Variants in PIEZO2 observed in about 807,000 individuals in gnomAD.
PIEZO2 encodes piezo type mechanosensitive ion channel component 2.
A neutral mutation model predicts 337.3 loss-of-function variants in PIEZO2; 172 were observed. The ratio of observed to expected loss-of-function variants is 0.51; its 90% CI spans 0.45 to 0.58. PIEZO2 has a LOEUF of 0.58. PIEZO2 is among the 20% of genes least tolerant of loss of function. The probability of loss-of-function intolerance (pLI) is 0.00; values close to 1 mark genes in which losing one functional copy is unlikely to be tolerated. For missense variants in PIEZO2, 3,028 were observed against 3,391.3 expected (o/e 0.89, Z 2.66); for synonymous variants, 1,251 against 1,228.5 (o/e 1.02, Z -0.38).
rs1002367709 is a variant in PIEZO2 at position 10,784,248 on chromosome 18, G to A, written c.2492+536C>T. On this transcript the variant is annotated intron_variant, in intron 17 of 55. Coordinates refer to ENST00000674853, the MANE Select transcript of PIEZO2 (RefSeq NM_001378183.1). The surrounding 1 kb of genome is among the most constrained non-coding windows in gnomAD (Gnocchi z 4.5). ...ATTTATTGATGAGGATAAAACAGCC[G>A]TAAGCTGCTAAAAGAAGATATTGTC... Among the ~76,000 whole-genome samples, 5 of 152,202 alleles carry A rather than the reference G, an allele frequency of 3.3e-5. No homozygotes were observed. The highest frequency in any genetic ancestry group is 1.9e-4 in the East Asian group (1 of 5,200).
At chr18:11,142,682 G>A (rs781202848) in intron 1 of PIEZO2, among the ~76,000 whole-genome samples, 3 of 151,108 alleles carry the variant, frequency 2.0e-5, no homozygotes, top group Non-Finnish European at 4.4e-5. Flanking sequence ...TCCGGAGGCT[G>A]AGGCAGAAGA....
At position 10,726,936 on chromosome 18, in the gene PIEZO2, C is replaced by A; in HGVS notation, c.5029+4471G>T. 2 of 1,528,702 alleles carry A rather than the reference C, an allele frequency of 1.3e-6. No individual in the cohort carries two copies. Among genetic ancestry groups the A allele is most frequent in the Non-Finnish European group, 1.8e-6 (2 of 1,126,030 alleles). The allele number at this position is 1,528,702 out of a possible 1,614,324, so 94.7% of individuals were successfully genotyped here. A position where few individuals can be genotyped will look rare whatever the true frequency, so the allele number is the denominator to read the frequency against. ...CGGAGCTGGGTCGCCTGCTGCCCGA[C>A]TGATGTAGGTTGAGGGCTGCAGACA... On this transcript the variant is annotated intron_variant, in intron 36 of 55. Coordinates refer to ENST00000674853, the MANE Select transcript of PIEZO2 (RefSeq NM_001378183.1). This position sits in a 1 kb window ranked among gnomAD's most constrained non-coding sequence, Gnocchi z 5.9.
At position 11,127,300 on chromosome 18, in the gene PIEZO2, G is replaced by A. The variant is rs2040209440; in HGVS notation, c.64+21225C>T. On this transcript the variant is annotated intron_variant, in intron 1 of 55. Transcript: ENST00000674853. This position sits in a 1 kb window ranked among gnomAD's most constrained non-coding sequence, Gnocchi z 4.5. ...CAAAGAACTTAAAGCAAAAATAGTT[G>A]CATCTGAATGTGATGGTTAATACTG... Among the ~76,000 whole-genome samples, 1 of 152,182 alleles carries A rather than the reference G, an allele frequency of 6.6e-6. No homozygotes were observed. The highest frequency in any genetic ancestry group is 6.5e-5 in the Admixed American group (1 of 15,268).
intron 26 of PIEZO2, among the ~76,000 whole-genome samples, chr18:10,758,895 C>T (rs917534016): frequency 1.3e-5 from 2 of 152,222 alleles, no homozygotes; most frequent in African/African-American, 4.8e-5. Flanking sequence ...GAAGCCTGAA[C>T]ACAAGCTGCT....
At chr18:10,720,295 T>TTC (rs1185094809) in intron 36 of PIEZO2, among the ~76,000 whole-genome samples, 2 of 131,410 alleles carry the variant, frequency 1.5e-5, no homozygotes, top group South Asian at 2.4e-4. Flanking sequence ...CATATGTATA[T>TTC]TCTCTCTCTC....
intron 3 of PIEZO2, among the ~76,000 whole-genome samples, chr18:10,920,472 T>G (rs2031318774): frequency 6.6e-6 from 1 of 152,196 alleles, no homozygotes; most frequent in Non-Finnish European, 1.5e-5. Flanking sequence ...ATATGCTATT[T>G]AAATGTAGTG....
At position 10,894,211 on chromosome 18, in the gene PIEZO2, G is replaced by A. The variant is rs1041752864; in HGVS notation, c.329+16975C>T. ...CTCACACCTGTAATCCCAGCACTCTGGAAGGCCGATGGGGGCGGATCACCT... is the reference window on the plus strand; with the variant it reads ...CTCACACCTGTAATCCCAGCACTCTAGAAGGCCGATGGGGGCGGATCACCT... On this transcript the variant is annotated intron_variant, in intron 4 of 55. Transcript: ENST00000674853. This position sits in a 1 kb window ranked among gnomAD's most constrained non-coding sequence, Gnocchi z 4.1. Among the ~76,000 whole-genome samples the A allele has an allele frequency of 1.3e-5, 2 of 152,132 alleles. No individual in the cohort carries two copies. Among genetic ancestry groups the A allele is most frequent in the African/African-American group, 4.8e-5 (2 of 41,426 alleles).
In PIEZO2 at chr18:10,715,684, A is replaced by C. The variant is rs1325114050; in HGVS notation, c.5222T>G (p.Ile1741Ser). The C allele has an allele frequency of 6.5e-7, 1 of 1,536,126 alleles. No individual in the cohort carries two copies. The highest frequency in any genetic ancestry group is 2.4e-5 in the East Asian group (1 of 40,898). ...TTCTCTGGTCAGCATGCATCGTTCAATTCTCAGAACTGTAGATATATCAAT... is the reference window on the plus strand; with the variant it reads ...TTCTCTGGTCAGCATGCATCGTTCACTTCTCAGAACTGTAGATATATCAAT... ...EHIDISTVLR[I>S]ERCMLTREIK... Residue 1741 changes from isoleucine to serine, a missense_variant, in exon 38 of 56, where the codon ATT becomes AGT. Around this residue, in one of 5 missense-constraint regions of PIEZO2, gnomAD observed 1,925 missense variants for 2,051.9 expected, o/e 0.94. Transcript: ENST00000674853.
At chr18:10,684,279 C>T (rs1282154296) in intron 49 of PIEZO2, among the ~76,000 whole-genome samples, 1 of 146,940 alleles carries the variant, frequency 6.8e-6, no homozygotes, top group Non-Finnish European at 1.5e-5. Flanking sequence ...CATTCTCCTG[C>T]CTCAGCCTCC....
At chr18:11,064,665 A>G (rs1389874613) in intron 2 of PIEZO2, among the ~76,000 whole-genome samples, 1 of 152,188 alleles carries the variant, frequency 6.6e-6, no homozygotes, top group East Asian at 1.9e-4. Context: ...TTTGGGAAAA[A>G]GAAAAAGTCA....
chr18:10,799,460 G>A, intron 11 of PIEZO2, among the ~76,000 whole-genome samples: 1 of 152,290 alleles, frequency 6.6e-6, no homozygotes, highest in South Asian at 2.1e-4. Context: ...TAGGTCAGAG[G>A]TGCAGCTTTT....
chr18:11,087,453 AATATATTT>A (rs896300387), intron 1 of PIEZO2, among the ~76,000 whole-genome samples: 8 of 152,162 alleles, frequency 5.3e-5, no homozygotes, highest in Non-Finnish European at 7.3e-5. Context: ...TTTTAATCTA[AATATATTT>A]ATCTGAGTAT....
At chr18:11,023,979 G>C (rs1387690693) in intron 2 of PIEZO2, among the ~76,000 whole-genome samples, 4 of 152,180 alleles carry the variant, frequency 2.6e-5, no homozygotes, top group Non-Finnish European at 4.4e-5. Flanking sequence ...CGTAACTCCA[G>C]CTGGCCCGCA....
chr18:10,718,161 CA>C, intron 37 of PIEZO2, 38 bp downstream of exon 37: 1 of 1,503,424 alleles, frequency 6.7e-7, no homozygotes, highest in Non-Finnish European at 9.0e-7. Context: ...GTATCATTTT[CA>C]AAGTTCCCAC....
chr18:11,146,473 CG>C lies in PIEZO2; in HGVS notation c.64+2051del, dbSNP rs2040815467. 6.6e-6 allele frequency among the ~76,000 whole-genome samples: 1 copy of C among 152,176 alleles called. No individual in the cohort carries two copies. The highest frequency in any genetic ancestry group is 2.1e-4 in the South Asian group (1 of 4,830). Reference sequence around the variant, plus strand: ...CCACCCTGGCTGCGAGTCACCGCCCCGAGCCCCTGTGCCCAGCAACCCAAGC... The same window carrying C: ...CCACCCTGGCTGCGAGTCACCGCCCCAGCCCCTGTGCCCAGCAACCCAAGC... On this transcript the variant is annotated intron_variant, in intron 1 of 55. Transcript: ENST00000674853. The surrounding 1 kb of genome is among the most constrained non-coding windows in gnomAD (Gnocchi z 6.1).
intron 2 of PIEZO2, among the ~76,000 whole-genome samples, chr18:11,023,468 T>C (rs1448678994): frequency 6.6e-6 from 1 of 152,230 alleles, no homozygotes; most frequent in Non-Finnish European, 1.5e-5. Flanking sequence ...AGCGTGCTGA[T>C]TGGTGTGTTT....
intron 3 of PIEZO2, among the ~76,000 whole-genome samples, chr18:10,960,875 G>A (rs1157940196): frequency 1.3e-5 from 2 of 152,132 alleles, no homozygotes; most frequent in African/African-American, 2.4e-5. Flanking sequence ...TGGTAGAAGA[G>A]TTCATTAAGA....
chr18:10,927,872 G>C (rs1568208012), intron 3 of PIEZO2, among the ~76,000 whole-genome samples: 1 of 151,892 alleles, frequency 6.6e-6, no homozygotes, highest in Non-Finnish European at 1.5e-5. Flanking sequence ...TACTCTATTT[G>C]CTTTAGGTCA....
intron 48 of PIEZO2, among the ~76,000 whole-genome samples, chr18:10,690,626 G>A (rs573063490): frequency 1.3e-5 from 2 of 152,334 alleles, no homozygotes; most frequent in African/African-American, 4.8e-5. Context: ...TGGTGCTGAG[G>A]AGGAGCCAGC....
Sources: allele counts gnomAD v4.1 joint callset (sites outside exome capture counted in the v4.1 genomes callset), GRCh38; gene constraint gnomAD v4.1.1; regional missense constraint gnomAD v4.1.1; non-coding constraint Gnocchi (gnomAD v3.1); transcripts MANE v1.5; gene names NCBI Gene and HGNC (gene_info 2026-07-23, HGNC 2026-07-21).